The following FER variants were observed in gnomAD, a reference collection of about 807,000 sequenced individuals.
FER encodes the protein FER tyrosine kinase, also known as tyrosine-protein kinase Fer.
In FER, 63 loss-of-function variants were observed where a neutral mutation model predicts 111.0. That is an observed-to-expected ratio of 0.57 (90% CI 0.46 to 0.70). FER has a LOEUF of 0.70. Among genes scored for constraint, FER ranks in the 30% least tolerant of loss-of-function variants. FER has a pLI of 0.00. For missense variants in FER, 914 were observed against 954.0 expected, an observed-to-expected ratio of 0.96 and a Z score of 0.55; for synonymous variants, 327 against 313.9, an observed-to-expected ratio of 1.04 and a Z score of -0.44.
intron 5 of FER, among the ~76,000 whole-genome samples, chr5:108,859,975 T>G (rs1763356985): frequency 6.9e-6 from 1 of 144,612 alleles, no homozygotes; most frequent in Non-Finnish European, 1.5e-5. Flanking sequence ...GGAGTCTCTC[T>G]CTGTCGCCCA....
At chr5:108,879,701 A>AAAAAAAAAAATATATATATATATAT in intron 8 of FER, among the ~76,000 whole-genome samples, 1 of 99,096 alleles carries the variant, frequency 1.0e-5, no homozygotes, top group African/African-American at 4.8e-5. Context: ...ATTAAAAAAA[A>AAAAAAAAAAATATATATATATATAT]ATATATATAT....
At chr5:108,865,055 C>T (rs1172593497) in intron 5 of FER, among the ~76,000 whole-genome samples, 204 of 144,042 alleles carry the variant, frequency 1.4e-3, no homozygotes, top group South Asian at 2.7e-3. Context: ...TTGTTGTTCT[C>T]CTTGAAGAGG....
intron 13 of FER, among the ~76,000 whole-genome samples, chr5:108,985,230 G>A (rs1762431857): frequency 1.3e-5 from 2 of 152,014 alleles, no homozygotes; most frequent in Admixed American, 6.6e-5. Flanking sequence ...GTAACCATAT[G>A]TACAAATATA....
At chr5:109,091,500 G>A (rs377398676) in intron 16 of FER, among the ~76,000 whole-genome samples, 12 of 152,118 alleles carry the variant, frequency 7.9e-5, no homozygotes, top group Admixed American at 5.2e-4. Flanking sequence ...GATAACTGCC[G>A]CGGGCAAAGA....
At chr5:108,875,116 A>G (rs893535817) in intron 8 of FER, among the ~76,000 whole-genome samples, 2 of 152,290 alleles carry the variant, frequency 1.3e-5, no homozygotes, top group African/African-American at 4.8e-5. Context: ...TCTATCAGCC[A>G]TATTTATCAA....
chr5:108,932,117 AC>A (rs1754770390), intron 10 of FER, among the ~76,000 whole-genome samples: 2 of 152,032 alleles, frequency 1.3e-5, no homozygotes, highest in Admixed American at 1.3e-4. Context: ...GGTTTGCTGC[AC>A]CCATCAACCC....
At chr5:108,995,190 T>C (rs969893876) in intron 13 of FER, among the ~76,000 whole-genome samples, 3 of 152,134 alleles carry the variant, frequency 2.0e-5, no homozygotes, top group African/African-American at 7.2e-5. Context: ...TCTTGTACAG[T>C]TTTAAGGGGA....
chr5:108,804,670 C>G (rs1252822385), intron 3 of FER, among the ~76,000 whole-genome samples: 2 of 152,156 alleles, frequency 1.3e-5, no homozygotes, highest in African/African-American at 4.8e-5. Flanking sequence ...AACCTTGCAT[C>G]ACAGGAATGA....
chr5:108,779,958 A>G (rs1218706655), intron 2 of FER, among the ~76,000 whole-genome samples: 2 of 152,236 alleles, frequency 1.3e-5, no homozygotes, highest in Admixed American at 6.5e-5. Flanking sequence ...ATAAACATAC[A>G]TAAGCATATA....
chr5:109,009,286 T>G (rs1337084099), intron 13 of FER, among the ~76,000 whole-genome samples: 1 of 152,178 alleles, frequency 6.6e-6, no homozygotes, highest in Admixed American at 6.5e-5. Context: ...ACTGCCCACC[T>G]CAGCCTCCCA....
chr5:108,935,147 C>A (rs1333752933), intron 10 of FER, among the ~76,000 whole-genome samples: 1 of 151,982 alleles, frequency 6.6e-6, no homozygotes, highest in Non-Finnish European at 1.5e-5. Context: ...TAAAAAATTA[C>A]CACAAATTTG....
Position 109,180,889 on chromosome 5 carries a change from G to T in FER, c.2191G>T (p.Ala731Ser). The T allele has an allele frequency of 6.2e-7, 1 of 1,608,402 alleles. No individual in the cohort carries two copies. Among genetic ancestry groups the T allele is most frequent in the Non-Finnish European group, 8.5e-7 (1 of 1,178,164 alleles). ...QIPIKWTAPE[A>S]LNYGRYSSES... is the part of the protein sequence containing the mutation. Reference sequence around the variant, plus strand: ...TCCCATTAAATGGACAGCACCGGAAGCTCTTAATTATGGTAAGAATAGACC... The same window carrying T: ...TCCCATTAAATGGACAGCACCGGAATCTCTTAATTATGGTAAGAATAGACC... The change falls in exon 18 of 20, where the codon GCT becomes TCT. Residue 731 changes from alanine to serine, a missense_variant. Physicochemically the swap from Ala to Ser is moderately conservative, Grantham distance 99 (BLOSUM62 1). Transcript: ENST00000281092.
In FER at chr5:108,967,759, C is replaced by CAAAAAAAAAAA. The variant is rs774855414; in HGVS notation, c.1656+8426_1656+8436dup. On this transcript the variant is annotated intron_variant, in intron 13 of 19. Coordinates refer to ENST00000281092, the MANE Select transcript of FER (RefSeq NM_005246.4). The stretch of plus-strand genomic sequence containing the variant: ...TGGGCGACAAAGCGAGACTCCGTCT[C>CAAAAAAAAAAA]AAAAAAAAAAAAAAAAAAAAAAAAC... Among the ~76,000 whole-genome samples the CAAAAAAAAAAA allele has an allele frequency of 2.4e-3, 82 of 34,454 alleles. 3 individuals are homozygous for CAAAAAAAAAAA. The highest frequency in any genetic ancestry group is 4.1e-3 in the Non-Finnish European group (71 of 17,396). The allele number at this position is 34,454 out of a possible 152,430, so 22.6% of individuals were successfully genotyped here. A position where few individuals can be genotyped will look rare whatever the true frequency, so the allele number is the denominator to read the frequency against.
At chr5:108,908,741 T>A (rs890748635) in intron 10 of FER, among the ~76,000 whole-genome samples, 12 of 148,418 alleles carry the variant, frequency 8.1e-5, no homozygotes, top group African/African-American at 1.8e-4. Flanking sequence ...AAAAAAAAAA[T>A]TTATATTTGA....
intron 13 of FER, among the ~76,000 whole-genome samples, chr5:109,004,257 C>T (rs1765213258): frequency 1.3e-5 from 2 of 152,126 alleles, no homozygotes; most frequent in African/African-American, 4.8e-5. Context: ...CCCTCATCAG[C>T]CTCCACGTGG....
intron 13 of FER, among the ~76,000 whole-genome samples, chr5:108,994,648 A>G (rs1763762181): frequency 6.6e-6 from 1 of 152,214 alleles, no homozygotes; most frequent in Non-Finnish European, 1.5e-5. Flanking sequence ...TCTGTGAAGA[A>G]TATCAGTGGT....
intron 17 of FER, among the ~76,000 whole-genome samples, chr5:109,101,289 A>C (rs1192714469): frequency 1.3e-5 from 2 of 152,008 alleles, no homozygotes; most frequent in Non-Finnish European, 2.9e-5. Flanking sequence ...ACTGTGCATA[A>C]TACTGTTTAA....
At chr5:108,875,508 T>G (rs1764999910) in intron 8 of FER, among the ~76,000 whole-genome samples, 1 of 152,176 alleles carries the variant, frequency 6.6e-6, no homozygotes, top group African/African-American at 2.4e-5. Context: ...TTTCATCTCA[T>G]CTAGTTACTA....
chr5:108,966,016 T>C (rs1161416114), intron 13 of FER, among the ~76,000 whole-genome samples: 1 of 152,210 alleles, frequency 6.6e-6, no homozygotes, highest in African/African-American at 2.4e-5. Context: ...TCTCATCCTC[T>C]ACCAGCAGAT....
Sources: gnomAD v4.1 joint callset for allele counts (sites outside exome capture counted in the v4.1 genomes callset) on GRCh38, gnomAD v4.1.1 for gene constraint, MANE v1.5 for transcripts, NCBI Gene and HGNC (gene_info 2026-07-23, HGNC 2026-07-21) for gene names.